The following MACF1 variants were observed in gnomAD, a reference collection of about 807,000 sequenced individuals.
MACF1 encodes microtubule-actin cross-linking factor 1.
Under a neutral mutation model 854.8 loss-of-function variants are expected in MACF1, and 193 were observed. The ratio of observed to expected loss-of-function variants is 0.23; its 90% CI spans 0.20 to 0.25. The LOEUF is 0.25. Among genes scored for constraint, MACF1 ranks in the 10% least tolerant of loss-of-function variants. The pLI is 1.00. For synonymous variants in MACF1, 3,185 were observed against 3,226.7 expected (o/e 0.99, Z 0.44); for missense variants, 7,722 against 8,929.1 (o/e 0.86, Z 5.45).
intron 84 of MACF1, among the ~76,000 whole-genome samples, chr1:39,450,610 C>CTTTTTT (rs11398407): frequency 1.8e-4 from 21 of 115,260 alleles, no homozygotes; most frequent in Non-Finnish European, 2.6e-4. Flanking sequence ...TACTCTATTT[C>CTTTTTT]TTTTTTTTTT....
intron 6 of MACF1, among the ~76,000 whole-genome samples, chr1:39,263,466 C>T (rs1388335829): frequency 2.0e-5 from 3 of 151,960 alleles, no homozygotes; most frequent in African/African-American, 7.3e-5. Flanking sequence ...TATAACAGAT[C>T]CTTATGTGTG....
At chr1:39,423,146 G>T (rs1377621021) in intron 60 of MACF1, among the ~76,000 whole-genome samples, 1 of 152,042 alleles carries the variant, frequency 6.6e-6, no homozygotes, top group African/African-American at 2.4e-5. Flanking sequence ...CTACAATTTT[G>T]TGTTAAGAGG....
chr1:39,103,093 T>C (rs2282232), intron 2 of MACF1: 366,879 of 606,668 alleles, frequency 0.6, 115,303 homozygotes, highest in African/African-American at 0.74. Context: ...TTAGAGAAGC[T>C]CTCTAGCCAC....
At position 39,327,201 on chromosome 1, in the gene MACF1, A is replaced by C; in HGVS notation, c.4479-17A>C. 1 of 1,548,436 alleles carries C rather than the reference A, an allele frequency of 6.5e-7. No homozygotes were observed. Among genetic ancestry groups the C allele is most frequent in the Middle Eastern group, 1.7e-4 (1 of 5,782 alleles). ...TTTTTTTTTCTCCTAAAAAAGCTTT[A>C]ATGCTTCATCTTCCAGGCTCTCAGA... On this transcript the variant is annotated splice_polypyrimidine_tract_variant and intron_variant, in intron 35 of 100. Coordinates refer to ENST00000564288, the MANE Select transcript of MACF1 (RefSeq NM_001394062.1).
rs1267012471 is a variant in MACF1, at chr1:39,335,016, G to C, written c.8428G>C (p.Glu2810Gln). 1 of 1,614,072 alleles carries C rather than the reference G, an allele frequency of 6.2e-7. No homozygotes were observed. The highest frequency in any genetic ancestry group is 1.1e-5 in the South Asian group (1 of 91,076). ...TGAAATGAGTTGTAATAAAGTAGAA[G>C]AGAGTGAGAGATTATTTCAAGTTGA... is the stretch of plus-strand genomic sequence containing the variant. ...TAEMSCNKVEESERLFQVENQ... is the reference protein window; with the variant it reads ...TAEMSCNKVEQSERLFQVENQ... Residue 2810 changes from glutamate to glutamine, a missense_variant, in exon 37 of 101, where the codon GAG becomes CAG. Physicochemically the swap from Glu to Gln is conservative, Grantham distance 29. Transcript: ENST00000564288.
intron 2 of MACF1, among the ~76,000 whole-genome samples, chr1:39,148,214 G>A (rs1643506693): frequency 6.6e-6 from 1 of 152,138 alleles, no homozygotes; most frequent in African/African-American, 2.4e-5. Context: ...CATGAGTTCA[G>A]TGACTGCAGG....
At chr1:39,461,438 T>A (rs1283211718) in intron 92 of MACF1, among the ~76,000 whole-genome samples, 1 of 152,134 alleles carries the variant, frequency 6.6e-6, no homozygotes, top group Non-Finnish European at 1.5e-5. Flanking sequence ...GGGGAGTCTA[T>A]AAGTGGATAT....
chr1:39,484,663 A>G lies in MACF1; in HGVS notation c.22344A>G (p.Thr7448=), dbSNP rs191949645. 1.9e-5 allele frequency: 30 copies of G among 1,614,152 alleles called. 1 individual carries two copies. The East Asian group carries it at 6.7e-4, about 36-fold the overall frequency. Residue 7448 remains threonine (T), a synonymous_variant, in exon 100 of 101, where the codon ACA becomes ACG. Transcript: ENST00000564288. ...CACCAACTTTTCATTCTAGTCGGACATCCCTTGCTGGTGATACCAGCAATA... is the reference window on the plus strand; with the variant it reads ...CACCAACTTTTCATTCTAGTCGGACGTCCCTTGCTGGTGATACCAGCAATA... ...RPTPTFHSSR[T]SLAGDTSNSS... is the part of the protein sequence containing the mutation.
At chr1:39,150,012 C>G (rs1239396309) in intron 2 of MACF1, among the ~76,000 whole-genome samples, 6 of 151,932 alleles carry the variant, frequency 3.9e-5, no homozygotes, top group African/African-American at 1.5e-4. Context: ...CTCCTAGAAC[C>G]TGGGACTATA....
chr1:39,166,906 G>A (rs1395228743), intron 2 of MACF1, among the ~76,000 whole-genome samples: 1 of 152,130 alleles, frequency 6.6e-6, no homozygotes, highest in East Asian at 1.9e-4. Context: ...CAGTAAGTAT[G>A]TACCTGATTT....
In MACF1 at chr1:39,444,769, A is replaced by G. The variant is rs778170295; in HGVS notation, c.19539A>G (p.Thr6513=). 3 of 1,614,102 alleles carry G rather than the reference A, an allele frequency of 1.9e-6. No individual in the cohort carries two copies. The highest frequency in any genetic ancestry group is 2.2e-5 in the South Asian group (2 of 91,080). Residue 6513 remains threonine, a synonymous_variant, in exon 80 of 101, where the codon ACA becomes ACG. Coordinates refer to ENST00000564288, the MANE Select transcript of MACF1 (RefSeq NM_001394062.1). ...SRDDSGSGSK[T]EQSVALLEQK... ...ACGACTCTGGGTCTGGCTCCAAGAC[A>G]GAACAGAGTGTAGCACTTTTGGAGC...
rs1319119184 is a variant in MACF1 at position 39,389,972 on chromosome 1, TC to T, written c.15816+1315del. ...CTTTAATTCTTTGCCTGAGCCAAAA[TC>T]TCCATTCCTGAGATTGTGTGAGTAT... is the stretch of plus-strand genomic sequence containing the variant. On this transcript the variant is annotated intron_variant, in intron 58 of 100. Transcript: ENST00000564288. Among the ~76,000 whole-genome samples the T allele has an allele frequency of 2.0e-5, 3 of 152,186 alleles. No individual in the cohort carries two copies. In the East Asian group the frequency reaches 5.8e-4, roughly 29 times the overall value.
At chr1:39,257,780 T>G in intron 5 of MACF1, 156 bp from the exon 6 acceptor site, 1 of 591,344 alleles carries the variant, frequency 1.7e-6, no homozygotes, top group Non-Finnish European at 3.0e-6. Context: ...TGTTTTGTGG[T>G]GGTAGTTGCA....
chr1:39,257,868 G>A (rs1645114506), intron 5 of MACF1, 68 bp from the exon 6 acceptor site: 32 of 1,141,410 alleles, frequency 2.8e-5, no homozygotes, highest in Non-Finnish European at 4.2e-5. Flanking sequence ...CAATAATGAA[G>A]TGATGCAAAA....
intron 58 of MACF1, among the ~76,000 whole-genome samples, chr1:39,398,994 G>A (rs1642373496): frequency 6.6e-6 from 1 of 152,242 alleles, no homozygotes; most frequent in African/African-American, 2.4e-5. Flanking sequence ...AATGCAGAGA[G>A]CTGGTGTGAT....
In MACF1 at chr1:39,479,871, C is replaced by T; in HGVS notation, c.22032C>T (p.Pro7344=). 1 of 1,614,250 alleles carries T rather than the reference C, an allele frequency of 6.2e-7. No homozygotes were observed. Among genetic ancestry groups the T allele is most frequent in the South Asian group, 1.1e-5 (1 of 91,090 alleles). ...AGGGAGCATCCCAGGGAATGACCCCCTTCCGCTCACGGGGTCGAAGGTCCA... is the reference window on the plus strand; with the variant it reads ...AGGGAGCATCCCAGGGAATGACCCCTTTCCGCTCACGGGGTCGAAGGTCCA... ...LPEGASQGMT[P]FRSRGRRSKP... Residue 7344 remains proline (P), a synonymous_variant, in exon 98 of 101, where the codon CCC becomes CCT. Coordinates refer to ENST00000564288, the MANE Select transcript of MACF1 (RefSeq NM_001394062.1).
At chr1:39,295,970 T>A (rs1258822377) in intron 20 of MACF1, 88 bp downstream of exon 20, 6 of 1,160,656 alleles carry the variant, frequency 5.2e-6, no homozygotes, top group Non-Finnish European at 7.4e-6. Flanking sequence ...TGTGCTTTTG[T>A]TGTATAAACC....
rs1644053198 is a variant in MACF1 at position 39,439,349 on chromosome 1, A to G, written c.18296A>G (p.Lys6099Arg). The change falls in exon 72 of 101, where the codon AAA becomes AGA. Residue 6099 changes from lysine to arginine, a missense_variant. This residue lies in a region of MACF1 where 2,807 missense variants were observed against 3,235.8 expected (regional missense o/e 0.87). Transcript: ENST00000564288. ...IKARAEEREI[K>R]FLDVLELAEK... Reference sequence around the variant, plus strand: ...GCTCGGGCTGAAGAACGAGAAATCAAATTTCTTGATGTCCTTGAATTAGCA... The same window carrying G: ...GCTCGGGCTGAAGAACGAGAAATCAGATTTCTTGATGTCCTTGAATTAGCA... 6.2e-7 allele frequency: 1 copy of G among 1,613,926 alleles called. No homozygotes were observed. Among genetic ancestry groups the G allele is most frequent in the African/African-American group, 1.3e-5 (1 of 74,902 alleles).
chr1:39,357,065 C>A (rs1447838826), intron 44 of MACF1, among the ~76,000 whole-genome samples: 2 of 152,108 alleles, frequency 1.3e-5, no homozygotes, highest in African/African-American at 4.8e-5. Flanking sequence ...GAGGTAGAGA[C>A]CTCTCCCTAC....
Sources: allele counts gnomAD v4.1 joint callset (sites outside exome capture counted in the v4.1 genomes callset), GRCh38; gene constraint gnomAD v4.1.1; regional missense constraint gnomAD v4.1.1; transcripts MANE v1.5; gene names NCBI Gene and HGNC (gene_info 2026-07-23, HGNC 2026-07-21).